Variants in HS3ST5 observed in about 807,000 individuals in gnomAD.
HS3ST5 encodes the protein heparan sulfate-glucosamine 3-sulfotransferase 5, also known as heparan sulfate glucosamine 3-O-sulfotransferase 5.
HS3ST5 carries 10 observed loss-of-function variants against 25.4 expected under a neutral mutation model. That is an observed-to-expected ratio of 0.39 (90% CI 0.24 to 0.67). HS3ST5 has a LOEUF of 0.67. Ranked by LOEUF, HS3ST5 falls within the 30% of genes least tolerant of loss-of-function variation. The pLI is 0.44. For missense variants in HS3ST5, 324 were observed against 420.7 expected (o/e 0.77, Z 2.01); for synonymous variants, 170 against 162.4 (o/e 1.05, Z -0.36).
At chr6:114,202,111 C>T (rs976466716) in intron 2 of HS3ST5, among the ~76,000 whole-genome samples, 1 of 151,894 alleles carries the variant, frequency 6.6e-6, no homozygotes, top group Non-Finnish European at 1.5e-5. Flanking sequence ...GCAACCTCTA[C>T]AAAAAAGTTT....
chr6:114,224,687 CATATATAT>C (rs796114598), intron 2 of HS3ST5, among the ~76,000 whole-genome samples: 1 of 147,122 alleles, frequency 6.8e-6, no homozygotes, highest in East Asian at 2.0e-4. Context: ...TATATATATA[CATATATAT>C]ATATACACAC....
chr6:114,154,161 A>C (rs1279457065), intron 3 of HS3ST5, among the ~76,000 whole-genome samples: 1 of 152,166 alleles, frequency 6.6e-6, no homozygotes, highest in African/African-American at 2.4e-5. Context: ...TGAGTATTCA[A>C]GGTTATGTCT....
At chr6:114,246,365 G>A (rs1425911117) in intron 1 of HS3ST5, among the ~76,000 whole-genome samples, 1 of 152,146 alleles carries the variant, frequency 6.6e-6, no homozygotes, top group Non-Finnish European at 1.5e-5. Context: ...AAGTCACAGT[G>A]TTTTTTTGAG....
At chr6:114,070,890 T>C (rs994445845) in intron 3 of HS3ST5, among the ~76,000 whole-genome samples, 4 of 152,216 alleles carry the variant, frequency 2.6e-5, no homozygotes, top group South Asian at 2.1e-4. Context: ...GACTAACTTA[T>C]GAGCTCCCAG....
intron 1 of HS3ST5, among the ~76,000 whole-genome samples, chr6:114,320,005 A>T (rs1448807268): frequency 6.6e-6 from 1 of 151,992 alleles, no homozygotes; most frequent in African/African-American, 2.4e-5. Flanking sequence ...CTTTCACTGG[A>T]GAGGAAGAAA....
chr6:114,147,030 C>T (rs775794509), intron 3 of HS3ST5, among the ~76,000 whole-genome samples: 5 of 151,064 alleles, frequency 3.3e-5, no homozygotes, highest in African/African-American at 7.4e-5. Context: ...ATGTGTTTCC[C>T]TTTCTTTCTT....
intron 3 of HS3ST5, among the ~76,000 whole-genome samples, chr6:114,068,554 A>T (rs1773599957): frequency 6.6e-6 from 1 of 152,178 alleles, no homozygotes; most frequent in African/African-American, 2.4e-5. Context: ...TAAGACAAAG[A>T]GAAGGCACAC....
At chr6:114,268,207 C>T (rs1468934706) in intron 1 of HS3ST5, among the ~76,000 whole-genome samples, 5 of 152,170 alleles carry the variant, frequency 3.3e-5, no homozygotes, top group Non-Finnish European at 7.3e-5. Context: ...GCAGTTTCCA[C>T]TCCTCCACAA....
At chr6:114,289,216 C>T (rs1774466144) in intron 1 of HS3ST5, among the ~76,000 whole-genome samples, 1 of 151,938 alleles carries the variant, frequency 6.6e-6, no homozygotes, top group African/African-American at 2.4e-5. Flanking sequence ...CAAAAATACA[C>T]CCACTAAAGA....
intron 1 of HS3ST5, among the ~76,000 whole-genome samples, chr6:114,275,888 T>A (rs1038529663): frequency 1.3e-5 from 2 of 152,020 alleles, no homozygotes; most frequent in Non-Finnish European, 2.9e-5. Flanking sequence ...ACAGGCTATA[T>A]AGTTTGCTGA....
At chr6:114,329,396 A>C (rs1776300215) in intron 1 of HS3ST5, among the ~76,000 whole-genome samples, 1 of 152,232 alleles carries the variant, frequency 6.6e-6, no homozygotes, top group Admixed American at 6.5e-5. Context: ...CTACATCTGC[A>C]TGACTAAAAG....
At chr6:114,113,011 T>TA (rs1361529190) in intron 3 of HS3ST5, among the ~76,000 whole-genome samples, 3 of 152,144 alleles carry the variant, frequency 2.0e-5, no homozygotes, top group Non-Finnish European at 4.4e-5. Flanking sequence ...CTAATGGCAG[T>TA]AACACTTAGT....
At chr6:114,269,047 C>CAGTTCATT (rs1773529019) in intron 1 of HS3ST5, among the ~76,000 whole-genome samples, 2 of 152,298 alleles carry the variant, frequency 1.3e-5, no homozygotes, top group Admixed American at 1.3e-4. Flanking sequence ...GATTCTAAAA[C>CAGTTCATT]AGTTCATTAG....
At chr6:114,331,508 A>G (rs552013157) in intron 1 of HS3ST5, among the ~76,000 whole-genome samples, 36 of 152,312 alleles carry the variant, frequency 2.4e-4, no homozygotes, top group African/African-American at 8.7e-4. Flanking sequence ...GGAATCATAT[A>G]CAAGAAGTCA....
intron 3 of HS3ST5, among the ~76,000 whole-genome samples, chr6:114,086,346 ACAT>A (rs1387577293): frequency 6.6e-6 from 1 of 152,232 alleles, no homozygotes; most frequent in Admixed American, 6.5e-5. Flanking sequence ...AGAAGGATTA[ACAT>A]AGTGTTGCTA....
intron 2 of HS3ST5, among the ~76,000 whole-genome samples, chr6:114,210,138 AC>A (rs1398986798): frequency 6.6e-6 from 1 of 152,204 alleles, no homozygotes; most frequent in Non-Finnish European, 1.5e-5. Context: ...AAACACTTAG[AC>A]AAAATATTCA....
intron 3 of HS3ST5, among the ~76,000 whole-genome samples, chr6:114,101,652 A>G: frequency 6.6e-6 from 1 of 152,226 alleles, no homozygotes; most frequent in Admixed American, 6.5e-5. Flanking sequence ...AATTTCTCAA[A>G]CAACTTAAAA....
intron 1 of HS3ST5, among the ~76,000 whole-genome samples, chr6:114,338,025 A>G (rs1321043935): frequency 6.6e-6 from 1 of 152,154 alleles, no homozygotes; most frequent in Non-Finnish European, 1.5e-5. Flanking sequence ...ATGAGTTAAT[A>G]TGAGTAGAGC....
intron 2 of HS3ST5, among the ~76,000 whole-genome samples, chr6:114,187,787 C>T (rs1041768131): frequency 1.3e-5 from 2 of 152,040 alleles, no homozygotes; most frequent in Non-Finnish European, 2.9e-5. Context: ...AAGGAAGAGT[C>T]GATCGATGTG....
Sources: gnomAD v4.1 joint callset for allele counts (sites outside exome capture counted in the v4.1 genomes callset) on GRCh38, gnomAD v4.1.1 for gene constraint, MANE v1.5 for transcripts, NCBI Gene and HGNC (gene_info 2026-07-23, HGNC 2026-07-21) for gene names.